The following PRAMEF20 variants were observed in gnomAD, a reference collection of about 807,000 sequenced individuals.
The protein encoded by PRAMEF20 is PRAME family member 20.
A neutral mutation model predicts 32.4 loss-of-function variants in PRAMEF20; 27 were observed. That is an observed-to-expected ratio of 0.83 (90% CI 0.61 to 1.15). The LOEUF is 1.15. Ranked by LOEUF, PRAMEF20 falls within the 50% of genes most tolerant of loss-of-function variation. The pLI, the probability that PRAMEF20 is intolerant of heterozygous loss-of-function variation, is 0.00. For missense variants in PRAMEF20, 604 were observed against 584.5 expected, an observed-to-expected ratio of 1.03 and a Z score of -0.34; for synonymous variants, 256 against 235.4, an observed-to-expected ratio of 1.09 and a Z score of -0.80.
intron 2 of PRAMEF20, 52 bp downstream of exon 3, chr1:13,418,752 T>C: frequency 6.2e-7 from 1 of 1,610,240 alleles, no homozygotes; most frequent in African/African-American, 1.3e-5. Flanking sequence ...GCCTTTCTTG[T>C]TACAGGGGGC....
At chr1:13,412,111 G>T (rs926200584), upstream of PRAMEF20, among the ~76,000 whole-genome samples, 1 of 150,668 alleles carries the variant, frequency 6.6e-6, no homozygotes, top group African/African-American at 2.4e-5. Flanking sequence ...TCTCACTCAG[G>T]CTATCCGGGC....
At chr1:13,421,021 G>T in exon 3 of PRAMEF20, 1 of 1,613,898 alleles carries the variant, frequency 6.2e-7, no homozygotes, top group African/African-American at 1.3e-5. Context: ...TGGAGAACCT[G>T]CTGTGCCACA....
chr1:13,415,729 G>A (rs1641161179), upstream of PRAMEF20, among the ~76,000 whole-genome samples: 2 of 141,898 alleles, frequency 1.4e-5, no homozygotes, highest in Non-Finnish European at 3.1e-5. Flanking sequence ...GGTCCAGGCT[G>A]CACTGAGCTG....
At chr1:13,414,398 C>T (rs961448264), upstream of PRAMEF20, among the ~76,000 whole-genome samples, 15 of 151,872 alleles carry the variant, frequency 9.9e-5, no homozygotes, top group Non-Finnish European at 5.9e-5. Flanking sequence ...ATTTTGTGTG[C>T]CCTTAAATTA....
At chr1:13,414,940 C>T (rs1357534419), upstream of PRAMEF20, among the ~76,000 whole-genome samples, 2 of 152,060 alleles carry the variant, frequency 1.3e-5, no homozygotes, top group Non-Finnish European at 2.9e-5. Flanking sequence ...GCTGGGATTA[C>T]AGGTGTGTGC....
chr1:13,419,431 G>A (rs1461280357), intron 2 of PRAMEF20, among the ~76,000 whole-genome samples: 2 of 151,990 alleles, frequency 1.3e-5, no homozygotes, highest in East Asian at 1.9e-4. Context: ...TTATAGGCGT[G>A]AGCCACCACA....
Position 13,421,027 on chromosome 1 carries a change from C to A in PRAMEF20, c.1197C>A (p.Cys399Ter). ...CGGCCACCCTGGAGAACCTGCTGTG[C>A]CACACAATCAGACTCAACAACTTAT... is the stretch of plus-strand genomic sequence containing the variant. Residue 399 changes from cysteine to a stop codon, truncating the protein, a stop_gained, in exon 3 of 3, where the codon TGC becomes TGA. Transcript: ENST00000602960. LOFTEE classifies it high-confidence loss of function. The A allele has an allele frequency of 6.2e-7, 1 of 1,613,932 alleles. No homozygotes were observed. The highest frequency in any genetic ancestry group is 8.5e-7 in the Non-Finnish European group (1 of 1,179,868).
chr1:13,416,271 G>A (rs1334534182), upstream of PRAMEF20: 6 of 1,610,326 alleles, frequency 3.7e-6, no homozygotes, highest in African/African-American at 8.0e-5. Context: ...GGCCCTGGGA[G>A]ATGAGATTGC....
upstream of PRAMEF20, among the ~76,000 whole-genome samples, chr1:13,413,450 C>T (rs1158246890): frequency 2.0e-5 from 3 of 152,046 alleles, no homozygotes; most frequent in Non-Finnish European, 2.9e-5. Flanking sequence ...CTGCAACCTC[C>T]ACCTCCTGGG....
chr1:13,418,861 A>G (rs1462612268), intron 2 of PRAMEF20, among the ~76,000 whole-genome samples, 161 bp downstream of exon 3: 3 of 152,210 alleles, frequency 2.0e-5, no homozygotes, highest in Non-Finnish European at 4.4e-5. Flanking sequence ...ATTCATCCCA[A>G]TGAAGACAGA....
chr1:13,410,820 A>T, the PRAMEF20 span, among the ~76,000 whole-genome samples: 2 of 151,776 alleles, frequency 1.3e-5, no homozygotes, highest in African/African-American at 4.8e-5. Flanking sequence ...CGGGTTCAAG[A>T]CCAATCTGGG....
chr1:13,418,313 T>C, exon 2 of PRAMEF20: 2 of 1,613,908 alleles, frequency 1.2e-6, no homozygotes, highest in Non-Finnish European at 1.7e-6. Flanking sequence ...AACAGGACTC[T>C]GGATGAATAC....
chr1:13,417,196 G>A (rs1000818659), intron 1 of PRAMEF20, among the ~76,000 whole-genome samples: 6 of 152,078 alleles, frequency 3.9e-5, no homozygotes, highest in Admixed American at 2.6e-4. Context: ...GCTGACTGGG[G>A]TGGCCAGCTT....
At chr1:13,418,239 G>T (rs995884116) in exon 2 of PRAMEF20, 31 of 1,613,736 alleles carry the variant, frequency 1.9e-5, no homozygotes, top group African/African-American at 4.0e-5. Flanking sequence ...GAAAACCACT[G>T]CAGGACTGTC....
At chr1:13,418,679 G>T (rs1299404163) in exon 2 of PRAMEF20, 1 of 1,613,628 alleles carries the variant, frequency 6.2e-7, no homozygotes, top group African/African-American at 1.3e-5. Context: ...TTCCTCGAAG[G>T]CCACCTGGAC....
rs568916476 is a variant in PRAMEF20 at position 13,416,442 on chromosome 1, G to A, written c.88G>A (p.Glu30Lys). The A allele has an allele frequency of 1.2e-5, 20 of 1,613,998 alleles. No homozygotes were observed. The African/African-American group carries it at 2.4e-4, about 19-fold the overall frequency. ...GGCCTTGGCCATCTCCACCCTGGAG[G>A]AGCTGCCCACGGAACTTTTTCCCCC... Residue 30 changes from glutamate (E) to lysine (K), a missense_variant, in exon 1 of 3, where the codon GAG becomes AAG. Physicochemically the swap from Glu to Lys is moderately conservative, Grantham distance 56. Transcript: ENST00000602960.
intron 1 of PRAMEF20, among the ~76,000 whole-genome samples, chr1:13,417,278 C>T (rs1030404143): frequency 1.2e-4 from 19 of 152,148 alleles, no homozygotes; most frequent in East Asian, 3.9e-4. Context: ...ATCATCCCCA[C>T]GATTGGCTAC....
exon 1 of PRAMEF20, chr1:13,416,494 G>A (rs1327682324): frequency 4.3e-6 from 7 of 1,614,164 alleles, no homozygotes; most frequent in Non-Finnish European, 5.9e-6. Context: ...TTCAGCAGGA[G>A]ACACTGTGAG....
upstream of PRAMEF20, among the ~76,000 whole-genome samples, chr1:13,412,543 C>T (rs907624822): frequency 1.3e-5 from 2 of 152,086 alleles, no homozygotes; most frequent in Admixed American, 1.3e-4. Context: ...CAAACAGATC[C>T]CCTAAGATCC....
Sources: allele counts gnomAD v4.1 joint callset (sites outside exome capture counted in the v4.1 genomes callset), GRCh38; gene constraint gnomAD v4.1.1; transcripts MANE v1.5; gene names NCBI Gene and HGNC (gene_info 2026-07-23, HGNC 2026-07-21).